Variants in ADAM2 observed in about 807,000 individuals in gnomAD.
The protein encoded by ADAM2 is ADAM metallopeptidase domain 2.
ADAM2 carries 101 observed loss-of-function variants against 99.3 expected under a neutral mutation model. The ratio of observed to expected loss-of-function variants is 1.02; its 90% CI spans 0.87 to 1.20. ADAM2 has a LOEUF of 1.20. Among genes scored for constraint, ADAM2 ranks in the 50% most tolerant of loss-of-function variants. The pLI, the probability that ADAM2 is intolerant of heterozygous loss-of-function variation, is 0.00. For synonymous variants in ADAM2, 323 were observed against 287.6 expected, an observed-to-expected ratio of 1.12 and a Z score of -1.25; for missense variants, 948 against 878.7, an observed-to-expected ratio of 1.08 and a Z score of -1.00.
chr8:39,767,512 A>T (rs1202293994), intron 12 of ADAM2, among the ~76,000 whole-genome samples: 1 of 152,214 alleles, frequency 6.6e-6, no homozygotes, highest in Non-Finnish European at 1.5e-5. Flanking sequence ...CCTGGGGTCC[A>T]CCATAGCCAA....
rs180795101 is a variant in ADAM2, at chr8:39,754,500, A to T, written c.1797+1228T>A. Reference sequence around the variant, plus strand: ...TATTTAGAAACAATGGAGAATTTAAAATGTAAGATAGTCTTGGGCATTAAT... The same window carrying T: ...TATTTAGAAACAATGGAGAATTTAATATGTAAGATAGTCTTGGGCATTAAT... On this transcript the variant is annotated intron_variant, in intron 16 of 20. Coordinates refer to ENST00000265708, the MANE Select transcript of ADAM2 (RefSeq NM_001464.5). Among the ~76,000 whole-genome samples, 22 of 152,346 alleles carry T rather than the reference A, an allele frequency of 1.4e-4. 1 individual carries two copies. Among genetic ancestry groups the T allele is most frequent in the African/African-American group, 5.3e-4 (22 of 41,574 alleles).
At chr8:39,811,760 T>C (rs1356602382) in intron 6 of ADAM2, among the ~76,000 whole-genome samples, 3 of 152,306 alleles carry the variant, frequency 2.0e-5, no homozygotes, top group Non-Finnish European at 2.9e-5. Context: ...ATAAACTAGG[T>C]ATTGATGGGA....
chr8:39,779,648 G>A (rs1044088901), intron 10 of ADAM2, among the ~76,000 whole-genome samples: 2 of 152,048 alleles, frequency 1.3e-5, no homozygotes, highest in African/African-American at 4.8e-5. Context: ...AATTTCAACA[G>A]AGCAGACAAT....
At chr8:39,765,691 C>A (rs1296406986) in intron 14 of ADAM2, among the ~76,000 whole-genome samples, 5 of 152,108 alleles carry the variant, frequency 3.3e-5, no homozygotes, top group Admixed American at 6.6e-5. Flanking sequence ...ATTGTGGTAC[C>A]AAATTACCCA....
At chr8:39,837,310 G>A (rs1016142707) in intron 1 of ADAM2, 98 bp from the exon 2 acceptor site, 5 of 674,214 alleles carry the variant, frequency 7.4e-6, no homozygotes, top group South Asian at 2.6e-5. Flanking sequence ...TATTCTATAC[G>A]CTGCTTCTCA....
At chr8:39,759,160 T>C (rs1183491640) in intron 15 of ADAM2, among the ~76,000 whole-genome samples, 1 of 152,054 alleles carries the variant, frequency 6.6e-6, no homozygotes, top group Non-Finnish European at 1.5e-5. Context: ...AATGACTTTA[T>C]CAAAACATTT....
In ADAM2 at chr8:39,785,796, T is replaced by TAA. The variant is rs58429092; in HGVS notation, c.891+1176_891+1177dup. On this transcript the variant is annotated intron_variant, in intron 10 of 20. Transcript: ENST00000265708. ...TGGATGACAGAGACTCTGTCTCAAA[T>TAA]AAAAAAAAAAAAAAAAAGAAAGACA... 1.8e-3 allele frequency among the ~76,000 whole-genome samples: 224 copies of TAA among 122,504 alleles called. 2 individuals are homozygous for TAA. Among genetic ancestry groups the TAA allele is most frequent in the African/African-American group, 6.3e-3 (214 of 33,826 alleles). The allele number at this position is 122,504 out of a possible 152,430, so 80.4% of individuals were successfully genotyped here.
At position 39,770,361 on chromosome 8, in the gene ADAM2, T is replaced by C. The variant is rs532838130; in HGVS notation, c.1029-786A>G. On this transcript the variant is annotated intron_variant, in intron 11 of 20. Transcript: ENST00000265708. Reference sequence around the variant, plus strand: ...TCCGATATTTGTTTCTCTGGCGTTATCACCTGAACTCAAGTCCAGAGTCTA... The same window carrying C: ...TCCGATATTTGTTTCTCTGGCGTTACCACCTGAACTCAAGTCCAGAGTCTA... Among the ~76,000 whole-genome samples, 78 of 152,346 alleles carry C rather than the reference T, an allele frequency of 5.1e-4. 1 individual carries two copies. In the South Asian group the frequency reaches 0.016, roughly 31 times the overall value.
chr8:39,764,838 A>T (rs1162518922), intron 14 of ADAM2, among the ~76,000 whole-genome samples: 1 of 151,874 alleles, frequency 6.6e-6, no homozygotes, highest in Non-Finnish European at 1.5e-5. Context: ...ACATGGCAAA[A>T]CCCTATCTCT....
At chr8:39,808,634 T>C (rs7814881) in intron 7 of ADAM2, among the ~76,000 whole-genome samples, 2,589 of 152,250 alleles carry the variant, frequency 0.017, 85 homozygotes, top group African/African-American at 0.059. Context: ...AAGGAAAAAG[T>C]TGGCCAGGCA....
intron 15 of ADAM2, among the ~76,000 whole-genome samples, chr8:39,757,845 A>G (rs984253282): frequency 3.9e-5 from 6 of 152,210 alleles, no homozygotes; most frequent in Non-Finnish European, 8.8e-5. Flanking sequence ...AAAAAGTAAA[A>G]TATAACATAG....
At chr8:39,835,473 A>G (rs1241141779) in intron 2 of ADAM2, among the ~76,000 whole-genome samples, 1 of 152,172 alleles carries the variant, frequency 6.6e-6, no homozygotes, top group Admixed American at 6.5e-5. Context: ...TCAGGAGGTC[A>G]GGAGATCGAG....
At chr8:39,837,596 G>A (rs1212716244) in intron 1 of ADAM2, among the ~76,000 whole-genome samples, 5 of 151,952 alleles carry the variant, frequency 3.3e-5, no homozygotes, top group South Asian at 4.1e-4. Flanking sequence ...CATGTTGGCC[G>A]GGATGGTCTC....
Position 39,821,001 on chromosome 8 carries a change from C to T in ADAM2, c.513+1G>A, listed in dbSNP as rs1422337924. The T allele has an allele frequency of 3.2e-6, 5 of 1,573,880 alleles. No individual in the cohort carries two copies. In the South Asian group the frequency reaches 5.7e-5, roughly 18 times the overall value. Reference sequence around the variant, plus strand: ...TAGAGTTTGTTCAATTAATCACCTACCTCTACGCTTTGTAATTTAAAGGAC... The same window carrying T: ...TAGAGTTTGTTCAATTAATCACCTATCTCTACGCTTTGTAATTTAAAGGAC... On this transcript the variant is annotated splice_donor_variant, in intron 6 of 20. Coordinates refer to ENST00000265708, the MANE Select transcript of ADAM2 (RefSeq NM_001464.5). LOFTEE classifies it high-confidence loss of function.
rs79431764 is a variant in ADAM2, at chr8:39,834,732, C to CAAA, written c.133-736_133-734dup. ...CCTGGGCGACAGGGCAAGACTCCAT[C>CAAA]AAAAAAAAAAAAAAAAAAAAAAAAA... On this transcript the variant is annotated intron_variant, in intron 2 of 20. Coordinates refer to ENST00000265708, the MANE Select transcript of ADAM2 (RefSeq NM_001464.5). Among the ~76,000 whole-genome samples, 317 of 52,470 alleles carry CAAA rather than the reference C, an allele frequency of 6.0e-3. 13 individuals carry two copies. The highest frequency in any genetic ancestry group is 0.02 in the Middle Eastern group (1 of 50). 34.4% of individuals were successfully genotyped at this position (52,470 alleles called of 152,430 possible). A position where few individuals can be genotyped will look rare whatever the true frequency, so the allele number is the denominator to read the frequency against.
At chr8:39,813,989 GAA>G (rs1804814468) in intron 6 of ADAM2, among the ~76,000 whole-genome samples, 1 of 151,064 alleles carries the variant, frequency 6.6e-6, no homozygotes, top group Non-Finnish European at 1.5e-5. Context: ...AAAAAAAAAA[GAA>G]AAGAAAACTA....
At chr8:39,751,793 T>C (rs948165388) in intron 16 of ADAM2, among the ~76,000 whole-genome samples, 1 of 152,142 alleles carries the variant, frequency 6.6e-6, no homozygotes, top group African/African-American at 2.4e-5. Flanking sequence ...AACCTTCTTG[T>C]TATGTAGGAA....
intron 7 of ADAM2, among the ~76,000 whole-genome samples, chr8:39,794,469 C>T (rs540849344): frequency 6.6e-6 from 1 of 152,046 alleles, no homozygotes; most frequent in South Asian, 2.1e-4. Flanking sequence ...AGTCCTTTAC[C>T]CAATTTCTGC....
intron 3 of ADAM2, among the ~76,000 whole-genome samples, chr8:39,825,228 C>T (rs1805350991): frequency 6.6e-6 from 1 of 152,172 alleles, no homozygotes. Flanking sequence ...TATACATCAA[C>T]TTCCCACTGA....
Sources: gnomAD v4.1 joint callset for allele counts (sites outside exome capture counted in the v4.1 genomes callset) on GRCh38, gnomAD v4.1.1 for gene constraint, MANE v1.5 for transcripts, NCBI Gene and HGNC (gene_info 2026-07-23, HGNC 2026-07-21) for gene names.